The following AK6 variants were observed in gnomAD, a reference collection of about 807,000 sequenced individuals.
AK6 encodes adenylate kinase 6.
Under a neutral mutation model 23.7 loss-of-function variants are expected in AK6, and 24 were observed. The ratio of observed to expected loss-of-function variants is 1.01; its 90% confidence interval spans 0.73 to 1.43. The LOEUF is 1.43. AK6 is among the 40% of genes most tolerant of loss of function. The pLI is 0.00. For synonymous variants in AK6, 73 were observed against 69.8 expected (o/e 1.05, Z -0.23); for missense variants, 191 against 199.1 (o/e 0.96, Z 0.24).
At chr5:69,366,371 C>A in intron 2 of AK6, 132 bp downstream of exon 2, 1 of 685,180 alleles carries the variant, frequency 1.5e-6, no homozygotes, top group Non-Finnish European at 2.5e-6. Context: ...TCTGTGGATT[C>A]CCTAACAGAG....
At chr5:69,369,787 G>A, upstream of AK6, 1 of 1,395,892 alleles carries the variant, frequency 7.2e-7, no homozygotes, top group Non-Finnish European at 9.9e-7. Flanking sequence ...CTTCGCTTGC[G>A]CCGACCAGTC....
At chr5:69,369,818 G>A (rs1762807755), upstream of AK6, 4 of 1,070,458 alleles carry the variant, frequency 3.7e-6, no homozygotes, top group East Asian at 2.7e-5. Context: ...CCGGGAGGCC[G>A]TACCTCCGAG....
At chr5:69,356,105 C>G (rs546883527) in intron 2 of AK6, 152 bp from the exon 3 acceptor site, 22 of 636,106 alleles carry the variant, frequency 3.5e-5, no homozygotes, top group Non-Finnish European at 5.7e-5. Context: ...TACATAAACA[C>G]CAAATATAAA....
At chr5:69,358,517 C>CAAAAAAAAA (rs5868577) in intron 2 of AK6, among the ~76,000 whole-genome samples, 4 of 54,174 alleles carry the variant, frequency 7.4e-5, no homozygotes, top group African/African-American at 1.8e-4. Context: ...GACTCTGTCT[C>CAAAAAAAAA]AAAAAAAAAA....
At chr5:69,369,429 C>G (rs1762751514) in intron 1 of AK6, 34 bp downstream of exon 1, 1 of 1,607,364 alleles carries the variant, frequency 6.2e-7, no homozygotes. Context: ...CCCAGCCTGC[C>G]CCAGCCCAGT....
intron 2 of AK6, chr5:69,364,663 G>T: frequency 1.9e-6 from 1 of 523,674 alleles, no homozygotes; most frequent in East Asian, 3.3e-5. Context: ...GCAAATTGCT[G>T]CAACTGCCAA....
At chr5:69,369,362 GA>G (rs1762739520) in intron 1 of AK6, 100 bp downstream of exon 1, 1 of 1,364,318 alleles carries the variant, frequency 7.3e-7, no homozygotes, top group African/African-American at 1.5e-5. Context: ...GCCGGCCTCT[GA>G]AGAGGGCAGT....
intron 2 of AK6, 90 bp from the exon 3 acceptor site, chr5:69,356,043 TATC>T: frequency 5.6e-6 from 6 of 1,073,878 alleles, no homozygotes; most frequent in Non-Finnish European, 8.2e-6. Flanking sequence ...AAAGGAAATG[TATC>T]ATCAATTATT....
chr5:69,353,586 G>A (rs956188065), intron 4 of AK6, among the ~76,000 whole-genome samples: 4 of 152,052 alleles, frequency 2.6e-5, no homozygotes, highest in South Asian at 4.2e-4. Flanking sequence ...GTGAGCCACC[G>A]CGCCCACCCC....
rs527486320 is a variant in AK6 at position 69,365,836 on chromosome 5, A to C, written c.121+667T>G. 6.5e-6 allele frequency: 7 copies of C among 1,075,420 alleles called. No individual in the cohort carries two copies. In the South Asian group the frequency reaches 1.9e-4, roughly 29 times the overall value. 66.6% of individuals were successfully genotyped at this position (1,075,420 alleles called of 1,614,324 possible). A position where few individuals can be genotyped will look rare whatever the true frequency, so the allele number is the denominator to read the frequency against. On this transcript the variant is annotated intron_variant, in intron 2 of 4. Transcript: ENST00000380822. Reference sequence around the variant, plus strand: ...GTAGCAACTGTCAGGAACTTAAAAAAATTTTAAATCTATGTTAAACTGTAA... The same window carrying C: ...GTAGCAACTGTCAGGAACTTAAAAACATTTTAAATCTATGTTAAACTGTAA...
intron 2 of AK6, among the ~76,000 whole-genome samples, chr5:69,359,974 A>C (rs1173400462): frequency 6.6e-6 from 1 of 152,238 alleles, no homozygotes; most frequent in Non-Finnish European, 1.5e-5. Flanking sequence ...AAGATAAGGA[A>C]ACCTATAAAG....
intron 2 of AK6, among the ~76,000 whole-genome samples, chr5:69,357,104 T>G (rs1762103455): frequency 6.6e-6 from 1 of 152,150 alleles, no homozygotes; most frequent in African/African-American, 2.4e-5. Flanking sequence ...TGAAATGAGG[T>G]TAAAATGAAC....
intron 2 of AK6, among the ~76,000 whole-genome samples, chr5:69,359,731 T>A (rs1762179236): frequency 6.6e-6 from 1 of 152,220 alleles, no homozygotes; most frequent in Non-Finnish European, 1.5e-5. Context: ...TACTTAAAAT[T>A]TTTATTTTCA....
At chr5:69,352,609 C>A (rs1242355121) in intron 4 of AK6, among the ~76,000 whole-genome samples, 1 of 152,114 alleles carries the variant, frequency 6.6e-6, no homozygotes, top group Admixed American at 6.6e-5. Flanking sequence ...AAATATTTCT[C>A]CAAGGAAGAT....
At chr5:69,367,573 T>A (rs2150742475) in intron 1 of AK6, among the ~76,000 whole-genome samples, 1 of 152,182 alleles carries the variant, frequency 6.6e-6, no homozygotes, top group Non-Finnish European at 1.5e-5. Context: ...TTTCTTTTTT[T>A]AAAGACAAGA....
chr5:69,369,334 ACCG>A, intron 1 of AK6, 126 bp downstream of exon 1: 1 of 912,058 alleles, frequency 1.1e-6, no homozygotes, highest in Non-Finnish European at 1.5e-6. Context: ...GGCGCTGACA[ACCG>A]CCTCGTGGCC....
chr5:69,352,804 G>A (rs954893924), intron 4 of AK6, among the ~76,000 whole-genome samples: 1 of 152,174 alleles, frequency 6.6e-6, no homozygotes, highest in African/African-American at 2.4e-5. Context: ...GTGTGAATAT[G>A]AGATGATGCA....
At chr5:69,353,545 C>G (rs1762005550) in intron 4 of AK6, among the ~76,000 whole-genome samples, 1 of 152,058 alleles carries the variant, frequency 6.6e-6, no homozygotes, top group Non-Finnish European at 1.5e-5. Flanking sequence ...ATTCAGCCAC[C>G]TTGGCCTCCC....
Position 69,355,845 on chromosome 5 carries a change from T to G in AK6, c.180+50A>C, listed in dbSNP as rs1762071146. 4 of 1,596,142 alleles carry G rather than the reference T, an allele frequency of 2.5e-6. No individual in the cohort carries two copies. The East Asian group carries it at 6.7e-5, about 27-fold the overall frequency. On this transcript the variant is annotated intron_variant, in intron 3 of 4. Transcript: ENST00000380822. ...GCTTCTTAAGAAAACTGAAGTCAAC[T>G]TTCCTATGAAATTCAACAAATGCAT...
Sources: allele counts gnomAD v4.1 joint callset (sites outside exome capture counted in the v4.1 genomes callset), GRCh38; gene constraint gnomAD v4.1.1; transcripts MANE v1.5; gene names NCBI Gene and HGNC (gene_info 2026-07-23, HGNC 2026-07-21).